The following SLC25A33 variants were observed in gnomAD, a reference collection of about 807,000 sequenced individuals.
SLC25A33 encodes the protein bone marrow stromal cell mitochondrial carrier protein.
SLC25A33 carries 15 observed loss-of-function variants against 35.5 expected under a neutral mutation model. The ratio of observed to expected loss-of-function variants is 0.42; its 90% CI spans 0.28 to 0.65. The LOEUF is 0.65. Among genes scored for constraint, SLC25A33 ranks in the 30% least tolerant of loss-of-function variants. The probability of loss-of-function intolerance (pLI) is 0.20; values close to 1 mark genes in which losing one functional copy is unlikely to be tolerated. For synonymous variants in SLC25A33, 136 were observed against 148.7 expected (o/e 0.91, Z 0.62); for missense variants, 257 against 398.5 (o/e 0.64, Z 3.02).
intron 1 of SLC25A33, among the ~76,000 whole-genome samples, chr1:9,545,215 TTTTG>T (rs1035790934): frequency 2.0e-5 from 3 of 152,112 alleles, no homozygotes; most frequent in East Asian, 1.9e-4. Flanking sequence ...GTTTTTTTTG[TTTTG>T]TTTGTTTGTT....
At position 9,582,003 on chromosome 1, in the gene SLC25A33, G is replaced by A. The variant is rs531766279; in HGVS notation, c.764-296G>A. On this transcript the variant is annotated intron_variant, in intron 6 of 6. Coordinates refer to ENST00000302692, the MANE Select transcript of SLC25A33 (RefSeq NM_032315.3). The surrounding 1 kb of genome is among the most constrained non-coding windows in gnomAD (Gnocchi z 4.0). ...TAGTGGCACGATCCCGACTCATTGC[G>A]ACCTTCACCTCCCAGGTTCAAGCGA... Among the ~76,000 whole-genome samples, 3 of 152,070 alleles carry A rather than the reference G, an allele frequency of 2.0e-5. No homozygotes were observed. Among genetic ancestry groups the A allele is most frequent in the African/African-American group, 7.2e-5 (3 of 41,466 alleles).
intron 1 of SLC25A33, among the ~76,000 whole-genome samples, chr1:9,544,821 C>T (rs913323212): frequency 6.6e-6 from 1 of 152,072 alleles, no homozygotes; most frequent in Non-Finnish European, 1.5e-5. Flanking sequence ...GGTTTTAGTG[C>T]CCGATATGCA....
chr1:9,560,719 A>G (rs887687348), intron 2 of SLC25A33, among the ~76,000 whole-genome samples: 3 of 152,120 alleles, frequency 2.0e-5, no homozygotes, highest in Non-Finnish European at 2.9e-5. Flanking sequence ...TATTCTGTTA[A>G]AGAAAAAAAT....
intron 4 of SLC25A33, among the ~76,000 whole-genome samples, chr1:9,571,608 C>T (rs989124128): frequency 2.0e-5 from 3 of 151,440 alleles, no homozygotes; most frequent in Non-Finnish European, 1.5e-5. Flanking sequence ...GTTCTATGTT[C>T]ATTTAAACAG....
chr1:9,568,999 A>C (rs894418643), intron 3 of SLC25A33, among the ~76,000 whole-genome samples: 2 of 152,126 alleles, frequency 1.3e-5, no homozygotes, highest in Non-Finnish European at 2.9e-5. Context: ...TAATCCCTGC[A>C]CTTTGGGAGG....
chr1:9,553,289 C>T (rs547557047), intron 1 of SLC25A33, among the ~76,000 whole-genome samples: 1 of 132,080 alleles, frequency 7.6e-6, no homozygotes, highest in South Asian at 2.6e-4. Context: ...TGCAGTGGCA[C>T]AATCGGCTCA....
intron 4 of SLC25A33, among the ~76,000 whole-genome samples, chr1:9,571,296 TTTTG>T (rs936314100): frequency 6.6e-5 from 10 of 150,620 alleles, no homozygotes; most frequent in African/African-American, 2.4e-4. Flanking sequence ...GGGAAGGCTT[TTTTG>T]TTTGTTTGTT....
intron 5 of SLC25A33, among the ~76,000 whole-genome samples, chr1:9,575,212 CAAAA>C (rs909942057): frequency 5.1e-5 from 3 of 58,716 alleles, no homozygotes; most frequent in Admixed American, 1.8e-4. Flanking sequence ...GACTCTGGCT[CAAAA>C]AAAAAAAAAA....
intron 1 of SLC25A33, among the ~76,000 whole-genome samples, chr1:9,553,230 G>GTTTTTTT (rs1340250968): frequency 1.0e-3 from 95 of 91,222 alleles, no homozygotes; most frequent in Non-Finnish European, 1.4e-3. Flanking sequence ...TTTTTTTTGG[G>GTTTTTTT]TTTTTTTTTT....
chr1:9,539,734 C>T lies in SLC25A33; in HGVS notation c.43C>T (p.Leu15Phe), dbSNP rs1352267300. Residue 15 changes from leucine (L) to phenylalanine (F), a missense_variant, in exon 1 of 7, where the codon CTC becomes TTC. Leu to Phe is a conservative substitution (Grantham distance 22). Transcript: ENST00000302692. Reference sequence around the variant, plus strand: ...GCAGAAGGAGAACACGCTGCTTCACCTCTTCGCCGGCGGGTGAGTTCCCGG... The same window carrying T: ...GCAGAAGGAGAACACGCTGCTTCACTTCTTCGCCGGCGGGTGAGTTCCCGG... ...GQQKENTLLH[L>F]FAGGCGGTVG... 1 of 1,407,288 alleles carries T rather than the reference C, an allele frequency of 7.1e-7. No individual in the cohort carries two copies. 87.2% of individuals were successfully genotyped at this position (1,407,288 alleles called of 1,614,324 possible).
intron 1 of SLC25A33, among the ~76,000 whole-genome samples, chr1:9,553,277 A>G (rs1456711436): frequency 8.7e-6 from 1 of 115,338 alleles, no homozygotes; most frequent in East Asian, 2.8e-4. Flanking sequence ...CTCAGGCTGG[A>G]GTGCAGTGGC....
chr1:9,581,526 C>T (rs572106076), intron 6 of SLC25A33, among the ~76,000 whole-genome samples: 28 of 152,022 alleles, frequency 1.8e-4, no homozygotes, highest in African/African-American at 6.8e-4. Context: ...ATTAGGAGTT[C>T]GAAACCAGGC....
At chr1:9,556,729 A>G (rs1643349714) in intron 2 of SLC25A33, among the ~76,000 whole-genome samples, 1 of 149,838 alleles carries the variant, frequency 6.7e-6, no homozygotes, top group South Asian at 2.1e-4. Flanking sequence ...GTCTGTGTGT[A>G]TCTGTTCCCT....
chr1:9,577,385 C>T (rs1432949298), intron 5 of SLC25A33, among the ~76,000 whole-genome samples: 2 of 152,044 alleles, frequency 1.3e-5, no homozygotes, highest in African/African-American at 4.8e-5. Context: ...GAGGCTGAAG[C>T]AGGAGAATTG....
intron 2 of SLC25A33, among the ~76,000 whole-genome samples, chr1:9,554,656 CT>C (rs563110907): frequency 6.6e-6 from 1 of 151,104 alleles, no homozygotes; most frequent in Non-Finnish European, 1.5e-5. Context: ...ACCACACCAG[CT>C]TTTTTTTTGC....
chr1:9,540,173 C>A (rs547754875), intron 1 of SLC25A33, among the ~76,000 whole-genome samples: 17 of 152,200 alleles, frequency 1.1e-4, no homozygotes, highest in Admixed American at 8.5e-4. Flanking sequence ...CGGGTGTGCC[C>A]GAGGTTCCTC....
chr1:9,567,680 TAAAC>T (rs1442056321), intron 3 of SLC25A33, among the ~76,000 whole-genome samples: 2 of 152,228 alleles, frequency 1.3e-5, no homozygotes, highest in East Asian at 3.8e-4. Context: ...GAGCTTGTTA[TAAAC>T]ACACAATCCC....
chr1:9,549,247 A>G, intron 1 of SLC25A33, among the ~76,000 whole-genome samples: 1 of 151,774 alleles, frequency 6.6e-6, no homozygotes, highest in East Asian at 1.9e-4. Flanking sequence ...AGAGGAAGGA[A>G]AGGCACCTAG....
rs968234861 is a variant in SLC25A33, at chr1:9,580,503, G to C, written c.763+269G>C. On this transcript the variant is annotated intron_variant, in intron 6 of 6. Transcript: ENST00000302692. ...CTGAACTTTTGCTGTTTTCAAGGAAGCTAAAAATCTGGATTGTATTTAATA... is the reference window on the plus strand; with the variant it reads ...CTGAACTTTTGCTGTTTTCAAGGAACCTAAAAATCTGGATTGTATTTAATA... Among the ~76,000 whole-genome samples, 7 of 152,292 alleles carry C rather than the reference G, an allele frequency of 4.6e-5. No homozygotes were observed. In the South Asian group the frequency reaches 1.4e-3, roughly 32 times the overall value.
Sources: gnomAD v4.1 joint callset for allele counts (sites outside exome capture counted in the v4.1 genomes callset) on GRCh38, gnomAD v4.1.1 for gene constraint, Gnocchi (gnomAD v3.1) non-coding constraint, MANE v1.5 for transcripts, NCBI Gene and HGNC (gene_info 2026-07-23, HGNC 2026-07-21) for gene names.